The following GPM6A variants were observed in gnomAD, a reference collection of about 807,000 sequenced individuals.
GPM6A encodes the protein neuronal membrane glycoprotein M6-a.
Under a neutral mutation model 32.1 loss-of-function variants are expected in GPM6A, and 7 were observed. The observed-to-expected ratio is 0.22, with a 90% CI of 0.12 to 0.41. GPM6A has a LOEUF of 0.41. GPM6A is among the 10% of genes least tolerant of loss of function. The probability of loss-of-function intolerance (pLI) is 1.00; values close to 1 mark genes in which losing one functional copy is unlikely to be tolerated. For missense variants in GPM6A, 235 were observed against 347.2 expected, an observed-to-expected ratio of 0.68 and a Z score of 2.57; for synonymous variants, 130 against 123.4, an observed-to-expected ratio of 1.05 and a Z score of -0.35.
chr4:175,798,513 C>T (rs746555929), intron 1 of GPM6A: 3 of 152,170 alleles, frequency 2.0e-5, no homozygotes, highest in Non-Finnish European at 2.9e-5. Context: ...AGACACTTAA[C>T]TTAGATTTAA....
At chr4:175,754,328 G>A (rs190980333) in intron 1 of GPM6A, among the ~76,000 whole-genome samples, 5 of 152,050 alleles carry the variant, frequency 3.3e-5, no homozygotes, top group African/African-American at 1.2e-4. Flanking sequence ...TAAGGGAGAG[G>A]GATTAAGGTA....
Position 175,670,436 on chromosome 4 carries a change from A to G in GPM6A, c.387+3244T>C, listed in dbSNP as rs1398023861. On this transcript the variant is annotated intron_variant, in intron 3 of 6. Transcript: ENST00000393658. ...GGTCTCCTAATTTGCAGCGGAATAA[A>G]TATGTTTTGGCTTAAACTTTAATAA... Among the ~76,000 whole-genome samples, 3 of 152,214 alleles carry G rather than the reference A, an allele frequency of 2.0e-5. No individual in the cohort carries two copies. In the East Asian group the frequency reaches 5.8e-4, roughly 29 times the overall value.
At chr4:175,749,464 T>G (rs1732235448) in intron 1 of GPM6A, among the ~76,000 whole-genome samples, 1 of 152,164 alleles carries the variant, frequency 6.6e-6, no homozygotes, top group African/African-American at 2.4e-5. Flanking sequence ...GCAAAGGCTA[T>G]TAAGTTAAGC....
At chr4:175,726,196 T>C (rs1354359294) in intron 1 of GPM6A, among the ~76,000 whole-genome samples, 1 of 151,744 alleles carries the variant, frequency 6.6e-6, no homozygotes, top group Non-Finnish European at 1.5e-5. Flanking sequence ...AGACGGGGTT[T>C]CACCGTGTTG....
intron 1 of GPM6A, among the ~76,000 whole-genome samples, chr4:175,761,840 G>T (rs570760966): frequency 1.3e-5 from 2 of 151,536 alleles, no homozygotes; most frequent in Non-Finnish European, 2.9e-5. Flanking sequence ...TGTTGCCCAG[G>T]CTGGAATGCA....
intron 1 of GPM6A, among the ~76,000 whole-genome samples, chr4:175,705,610 G>A (rs1745144735): frequency 6.6e-6 from 1 of 152,092 alleles, no homozygotes; most frequent in African/African-American, 2.4e-5. Flanking sequence ...TCCACCCACA[G>A]AGAGGAACAG....
intron 3 of GPM6A, among the ~76,000 whole-genome samples, chr4:175,666,846 A>T (rs552342652): frequency 6.6e-6 from 1 of 152,322 alleles, no homozygotes; most frequent in Non-Finnish European, 1.5e-5. Context: ...TAAAAAGTTG[A>T]GGCTGAGCAT....
Position 175,927,015 on chromosome 4 carries a change from T to C in GPM6A, c.-23+75294A>G, listed in dbSNP as rs1738862853. Among the ~76,000 whole-genome samples the C allele has an allele frequency of 2.0e-5, 3 of 152,264 alleles. No homozygotes were observed. The South Asian group carries it at 6.2e-4, about 32-fold the overall frequency. ...AATACTATTTAAAATATTGTTCACTTTATCTAATGCTTTTCTAATTTGGTT... is the reference window on the plus strand; with the variant it reads ...AATACTATTTAAAATATTGTTCACTCTATCTAATGCTTTTCTAATTTGGTT... On this transcript the variant is annotated intron_variant, in intron 1 of 7. Transcript: ENST00000280187.
intron 3 of GPM6A, among the ~76,000 whole-genome samples, chr4:175,671,035 T>G (rs1178181818): frequency 6.6e-6 from 1 of 152,016 alleles, no homozygotes; most frequent in Non-Finnish European, 1.5e-5. Context: ...GGCTAATTTT[T>G]TTATTTTTAG....
At chr4:175,745,569 G>A (rs1020428729) in intron 1 of GPM6A, among the ~76,000 whole-genome samples, 9 of 152,174 alleles carry the variant, frequency 5.9e-5, no homozygotes, top group African/African-American at 2.2e-4. Flanking sequence ...ACTTGGCAGG[G>A]AGGCTGCCAA....
Position 175,835,375 on chromosome 4 carries a change from T to C in GPM6A, c.-22-23126A>G, listed in dbSNP as rs191081094. On this transcript the variant is annotated intron_variant, in intron 1 of 7. Coordinates refer to the GPM6A transcript ENST00000280187. Reference sequence around the variant, plus strand: ...GTCTTGGGGAACCAGACAGAGATCATCTTCTAAACCTGACTGTACGTTTTG... The same window carrying C: ...GTCTTGGGGAACCAGACAGAGATCACCTTCTAAACCTGACTGTACGTTTTG... Among the ~76,000 whole-genome samples the C allele has an allele frequency of 3.9e-3, 599 of 152,236 alleles. 6 individuals are homozygous for C. The highest frequency in any genetic ancestry group is 0.014 in the African/African-American group (565 of 41,548).
chr4:175,840,488 G>A (rs1735901962), intron 1 of GPM6A, among the ~76,000 whole-genome samples: 2 of 152,130 alleles, frequency 1.3e-5, no homozygotes, highest in South Asian at 2.1e-4. Context: ...GACCAGCCTG[G>A]CTAACATGGC....
At chr4:175,893,046 T>C (rs1737693217) in intron 1 of GPM6A, among the ~76,000 whole-genome samples, 1 of 152,198 alleles carries the variant, frequency 6.6e-6, no homozygotes, top group African/African-American at 2.4e-5. Flanking sequence ...TATTCTTCCA[T>C]CTTAATTGTC....
At chr4:175,898,273 G>C (rs1354286294) in intron 1 of GPM6A, among the ~76,000 whole-genome samples, 5 of 152,088 alleles carry the variant, frequency 3.3e-5, no homozygotes, top group African/African-American at 7.2e-5. Flanking sequence ...TCACTGAATG[G>C]ATAAAACTCA....
At chr4:175,984,517 A>G (rs1740915983) in intron 1 of GPM6A, among the ~76,000 whole-genome samples, 1 of 151,976 alleles carries the variant, frequency 6.6e-6, no homozygotes, top group African/African-American at 2.4e-5. Context: ...CTTTTTTCTT[A>G]GTGATGTATA....
chr4:175,863,992 C>A (rs185614263), intron 1 of GPM6A, among the ~76,000 whole-genome samples: 438 of 151,942 alleles, frequency 2.9e-3, no homozygotes, highest in Middle Eastern at 6.8e-3. Context: ...CAGAGAGAGA[C>A]CCTGTCTCCG....
At chr4:175,958,722 T>A (rs1418473879) in intron 1 of GPM6A, among the ~76,000 whole-genome samples, 1 of 152,212 alleles carries the variant, frequency 6.6e-6, no homozygotes, top group Non-Finnish European at 1.5e-5. Context: ...TCTACTCACA[T>A]CTGTGTTATC....
intron 1 of GPM6A, among the ~76,000 whole-genome samples, chr4:175,730,773 C>T (rs1291793707): frequency 2.0e-5 from 3 of 152,136 alleles, no homozygotes; most frequent in Non-Finnish European, 4.4e-5. Context: ...CGCTGCTGGC[C>T]GTTCTCGATC....
intron 6 of GPM6A, among the ~76,000 whole-genome samples, chr4:175,635,587 A>G (rs1740530829): frequency 6.6e-6 from 1 of 152,116 alleles, no homozygotes; most frequent in Non-Finnish European, 1.5e-5. Context: ...TATAAACTAC[A>G]GGAGATAAAA....
Sources: allele counts gnomAD v4.1 joint callset (sites outside exome capture counted in the v4.1 genomes callset), GRCh38; gene constraint gnomAD v4.1.1; transcripts MANE v1.5; gene names NCBI Gene and HGNC (gene_info 2026-07-23, HGNC 2026-07-21).